The following CCDC91 variants were observed in gnomAD, a reference collection of about 807,000 sequenced individuals.
The protein encoded by CCDC91 is coiled-coil domain-containing protein 91.
A neutral mutation model predicts 63.2 loss-of-function variants in CCDC91; 48 were observed. That is an observed-to-expected ratio of 0.76 (90% confidence interval 0.60 to 0.97). CCDC91 has a LOEUF of 0.97. Ranked by LOEUF, CCDC91 falls within the 50% of genes least tolerant of loss-of-function variation. CCDC91 has a pLI of 0.00. For synonymous variants in CCDC91, 167 were observed against 165.8 expected, an observed-to-expected ratio of 1.01 and a Z score of -0.06; for missense variants, 500 against 494.6, an observed-to-expected ratio of 1.01 and a Z score of -0.10.
chr12:28,478,339 C>T (rs1350085538), intron 11 of CCDC91, among the ~76,000 whole-genome samples: 2 of 152,092 alleles, frequency 1.3e-5, no homozygotes, highest in African/African-American at 2.4e-5. Context: ...TTTGACAAAC[C>T]TGACAAAGAC....
At chr12:28,466,551 T>C (rs1425244754) in intron 11 of CCDC91, among the ~76,000 whole-genome samples, 1 of 151,932 alleles carries the variant, frequency 6.6e-6, no homozygotes, top group African/African-American at 2.4e-5. Flanking sequence ...GCCAGGAGAG[T>C]GTTGCATGGC....
intron 11 of CCDC91, among the ~76,000 whole-genome samples, chr12:28,481,911 A>G (rs1951469206): frequency 6.6e-6 from 1 of 151,958 alleles, no homozygotes; most frequent in South Asian, 2.1e-4. Flanking sequence ...AATAACTTTC[A>G]CTAACTCTTC....
chr12:28,538,927 A>G (rs1211873582), intron 12 of CCDC91, among the ~76,000 whole-genome samples: 3 of 152,222 alleles, frequency 2.0e-5, no homozygotes, highest in Non-Finnish European at 4.4e-5. Context: ...GTCTGTTGAC[A>G]TCCTTCGCCC....
intron 6 of CCDC91, among the ~76,000 whole-genome samples, chr12:28,325,347 A>T (rs1202507753): frequency 2.0e-5 from 3 of 152,038 alleles, no homozygotes; most frequent in Non-Finnish European, 1.5e-5. Flanking sequence ...TCATATATTT[A>T]TTCATCTAAC....
rs559846165 is a variant in CCDC91 at position 28,467,800 on chromosome 12, CAA to C, written c.1101+15147_1101+15148del. Reference sequence around the variant, plus strand: ...ATGGAATAAAACTAGAAATCAATAACAAGAGGAATTTTGGAAACTACACATAT... The same window carrying C: ...ATGGAATAAAACTAGAAATCAATAACGAGGAATTTTGGAAACTACACATAT... On this transcript the variant is annotated intron_variant, in intron 11 of 12. Transcript: ENST00000536442. Among the ~76,000 whole-genome samples the C allele has an allele frequency of 4.5e-4, 68 of 152,056 alleles. 1 individual carries two copies. Among genetic ancestry groups the C allele is most frequent in the East Asian group, 2.9e-3 (15 of 5,180 alleles).
intron 12 of CCDC91, among the ~76,000 whole-genome samples, chr12:28,500,653 G>A (rs1937706026): frequency 6.6e-6 from 1 of 151,702 alleles, no homozygotes. Context: ...TGAGTCTAAT[G>A]AAAATTTATC....
At chr12:28,280,917 C>T (rs1360193759) in intron 3 of CCDC91, among the ~76,000 whole-genome samples, 1 of 151,606 alleles carries the variant, frequency 6.6e-6, no homozygotes, top group Non-Finnish European at 1.5e-5. Flanking sequence ...TTGGAGACTG[C>T]AGTCAGCCAT....
Position 28,514,993 on chromosome 12 carries a change from AT to A in CCDC91, c.1215+30829del, listed in dbSNP as rs1220728804. On this transcript the variant is annotated intron_variant, in intron 12 of 12. Transcript: ENST00000536442. The stretch of plus-strand genomic sequence containing the variant: ...ACAAAAGTTGACCTATGTAACAAAT[AT>A]GCACATAGACCCCTCAACTTTTTTA... Among the ~76,000 whole-genome samples, 15 of 151,790 alleles carry A rather than the reference AT, an allele frequency of 9.9e-5. No individual in the cohort carries two copies. In the Admixed American group the frequency reaches 9.9e-4, roughly 10 times the overall value.
intron 1 of CCDC91, among the ~76,000 whole-genome samples, chr12:28,231,502 G>T (rs1252462662): frequency 6.6e-5 from 10 of 152,124 alleles, no homozygotes; most frequent in Non-Finnish European, 1.5e-4. Flanking sequence ...GAGATGGCAT[G>T]CTAAGACTTG....
intron 10 of CCDC91, among the ~76,000 whole-genome samples, chr12:28,450,981 C>G (rs1213685833): frequency 6.6e-6 from 1 of 151,550 alleles, no homozygotes; most frequent in Non-Finnish European, 1.5e-5. Context: ...AAGAAAAATA[C>G]TATTTATATA....
intron 7 of CCDC91, among the ~76,000 whole-genome samples, chr12:28,375,011 C>T (rs1944855993): frequency 6.6e-6 from 1 of 151,964 alleles, no homozygotes; most frequent in Admixed American, 6.6e-5. Flanking sequence ...AGAATTTATA[C>T]TTTGAGACTG....
At chr12:28,315,671 C>G (rs939605745) in intron 6 of CCDC91, among the ~76,000 whole-genome samples, 2 of 151,914 alleles carry the variant, frequency 1.3e-5, no homozygotes, top group Non-Finnish European at 2.9e-5. Flanking sequence ...GTGGCTGACA[C>G]CAGTTAATTA....
chr12:28,353,511 C>T (rs1943319725), intron 6 of CCDC91, among the ~76,000 whole-genome samples: 1 of 152,084 alleles, frequency 6.6e-6, no homozygotes, highest in African/African-American at 2.4e-5. Flanking sequence ...AAGTGAGAGC[C>T]ATATGACTTT....
chr12:28,311,330 G>A (rs1939297849), intron 6 of CCDC91, among the ~76,000 whole-genome samples: 1 of 151,962 alleles, frequency 6.6e-6, no homozygotes, highest in African/African-American at 2.4e-5. Context: ...AAAAGTTCTG[G>A]CTTCCCACTC....
At chr12:28,448,296 G>A (rs1237213643) in intron 8 of CCDC91, among the ~76,000 whole-genome samples, 1 of 152,114 alleles carries the variant, frequency 6.6e-6, no homozygotes, top group Non-Finnish European at 1.5e-5. Context: ...ACTTTCAACA[G>A]TGCCTGGAAC....
chr12:28,377,670 C>A lies in CCDC91; in HGVS notation c.655-13634C>A, dbSNP rs73263499. ...TCATCTTCTCAAACTCTAGGGTTTTCCCCTCTGGTATTTTGTTTGCATGCA... is the reference window on the plus strand; with the variant it reads ...TCATCTTCTCAAACTCTAGGGTTTTACCCTCTGGTATTTTGTTTGCATGCA... On this transcript the variant is annotated intron_variant, in intron 7 of 12. Transcript: ENST00000536442. Among the ~76,000 whole-genome samples the A allele has an allele frequency of 1.4e-3, 211 of 151,804 alleles. 1 individual carries two copies. Among genetic ancestry groups the A allele is most frequent in the African/African-American group, 4.9e-3 (202 of 41,452 alleles).
At chr12:28,307,024 C>T (rs1395081377) in intron 5 of CCDC91, 79 bp downstream of exon 5, 4 of 928,186 alleles carry the variant, frequency 4.3e-6, no homozygotes, top group Admixed American at 4.9e-5. Flanking sequence ...TGATTAAAAA[C>T]TCATCAGAGG....
At chr12:28,323,828 GA>G (rs1940745176) in intron 6 of CCDC91, among the ~76,000 whole-genome samples, 1 of 151,856 alleles carries the variant, frequency 6.6e-6, no homozygotes, top group South Asian at 2.1e-4. Context: ...CTGCAGTTGT[GA>G]AATAACATGA....
chr12:28,519,390 C>CTG (rs1940330480), intron 12 of CCDC91, among the ~76,000 whole-genome samples: 8 of 151,780 alleles, frequency 5.3e-5, no homozygotes, highest in Non-Finnish European at 1.2e-4. Context: ...TACAGAAGAG[C>CTG]TACTGGTTTG....
Sources: gnomAD v4.1 joint callset for allele counts (sites outside exome capture counted in the v4.1 genomes callset) on GRCh38, gnomAD v4.1.1 for gene constraint, MANE v1.5 for transcripts, NCBI Gene and HGNC (gene_info 2026-07-23, HGNC 2026-07-21) for gene names.